The following NMU variants were observed in gnomAD, a reference collection of about 807,000 sequenced individuals.
The protein encoded by NMU is neuromedin-U.
In NMU, 29 loss-of-function variants were observed where a neutral mutation model predicts 35.4. The ratio of observed to expected loss-of-function variants is 0.82; its 90% CI spans 0.61 to 1.12. The LOEUF is 1.12. NMU is among the 50% of genes most tolerant of loss of function. The pLI is 0.00. For synonymous variants in NMU, 78 were observed against 81.3 expected, an observed-to-expected ratio of 0.96 and a Z score of 0.22; for missense variants, 199 against 206.2, an observed-to-expected ratio of 0.97 and a Z score of 0.21.
At chr4:55,636,348 G>T, upstream of NMU, 1 of 1,147,884 alleles carries the variant, frequency 8.7e-7, no homozygotes, top group Non-Finnish European at 1.1e-6. This position sits in a 1 kb window ranked among gnomAD's most constrained non-coding sequence, Gnocchi z 4.0. Context: ...AAGTGGGCTG[G>T]GCTGCGCGGT....
intron 3 of NMU, among the ~76,000 whole-genome samples, chr4:55,613,038 C>T (rs1225982827): frequency 6.6e-6 from 1 of 151,970 alleles, no homozygotes; most frequent in Admixed American, 6.6e-5. Context: ...TTACCCTAAG[C>T]GAAATAACAT....
intron 2 of NMU, among the ~76,000 whole-genome samples, chr4:55,619,446 G>T (rs1391004017): frequency 8.0e-6 from 1 of 125,086 alleles, no homozygotes. Context: ...CGAATATTGC[G>T]CTTTTCAGAC....
At chr4:55,618,455 A>C (rs368210069) in intron 2 of NMU, among the ~76,000 whole-genome samples, 58 of 151,930 alleles carry the variant, frequency 3.8e-4, no homozygotes, top group African/African-American at 1.4e-3. Flanking sequence ...CCCACTTACG[A>C]GTGAGAAATT....
intron 3 of NMU, among the ~76,000 whole-genome samples, chr4:55,612,377 G>A (rs1202081032): frequency 6.6e-6 from 1 of 152,174 alleles, no homozygotes; most frequent in Admixed American, 6.5e-5. Flanking sequence ...TCCAGCCTGG[G>A]CGACAGAGTG....
intron 6 of NMU, among the ~76,000 whole-genome samples, chr4:55,605,802 T>C (rs1000565370): frequency 6.6e-6 from 1 of 152,242 alleles, no homozygotes; most frequent in African/African-American, 2.4e-5. Context: ...ACCTCCTTTA[T>C]AAATTATATA....
At chr4:55,601,804 T>C (rs182068451) in intron 7 of NMU, among the ~76,000 whole-genome samples, 125 of 151,806 alleles carry the variant, frequency 8.2e-4, no homozygotes, top group Non-Finnish European at 3.5e-4. Context: ...CTGGGCAACA[T>C]AGAGAGACCT....
intron 9 of NMU, 103 bp downstream of exon 9, chr4:55,599,034 ATAGTT>A: frequency 1.4e-6 from 1 of 724,254 alleles, no homozygotes; most frequent in East Asian, 2.8e-5. Context: ...TACATTTAAC[ATAGTT>A]TAATTTGTGA....
chr4:55,609,809 C>T (rs768338391), intron 3 of NMU, among the ~76,000 whole-genome samples: 2 of 152,134 alleles, frequency 1.3e-5, no homozygotes, highest in Non-Finnish European at 2.9e-5. Context: ...AAGAAATGGA[C>T]AAGCAGGGGC....
At chr4:55,603,955 G>T (rs1410191024) in intron 7 of NMU, among the ~76,000 whole-genome samples, 3 of 111,536 alleles carry the variant, frequency 2.7e-5, no homozygotes, top group Non-Finnish European at 5.7e-5. Context: ...ATGTATATAT[G>T]TGTATATATA....
Position 55,636,276 on chromosome 4 carries a change from C to T in NMU, c.-84G>A. On this transcript the variant is annotated 5_prime_UTR_variant, in exon 1 of 10. Coordinates refer to ENST00000264218, the MANE Select transcript of NMU (RefSeq NM_006681.4). This position sits in a 1 kb window ranked among gnomAD's most constrained non-coding sequence, Gnocchi z 4.0. ...TGCTCCACCTGGTGCCCTGGCTGTG[C>T]CTCGGGGCCCGGACACAGGACTGAG... 1 of 1,399,492 alleles carries T rather than the reference C, an allele frequency of 7.1e-7. No individual in the cohort carries two copies. Among genetic ancestry groups the T allele is most frequent in the South Asian group, 1.6e-5 (1 of 63,726 alleles). 86.7% of individuals were successfully genotyped at this position (1,399,492 alleles called of 1,614,324 possible).
intron 2 of NMU, among the ~76,000 whole-genome samples, chr4:55,625,443 C>T (rs1734488104): frequency 6.6e-6 from 1 of 152,056 alleles, no homozygotes; most frequent in Non-Finnish European, 1.5e-5. Context: ...CTAGCATGTA[C>T]CTAGATATTC....
At chr4:55,595,563 T>TATATATATATATATATATATATACAC in intron 9 of NMU, among the ~76,000 whole-genome samples, 152 bp from the exon 10 acceptor site, 1 of 120,052 alleles carries the variant, frequency 8.3e-6, no homozygotes, top group East Asian at 2.9e-4. Flanking sequence ...TATATATATA[T>TATATATATATATATATATATATACAC]ACACACACAC....
intron 3 of NMU, among the ~76,000 whole-genome samples, chr4:55,613,487 T>G (rs1734011037): frequency 6.6e-6 from 1 of 152,192 alleles, no homozygotes; most frequent in African/African-American, 2.4e-5. Flanking sequence ...TATCACTAGT[T>G]TTCAGTTGTG....
chr4:55,606,466 TAAG>T (rs1454912442), intron 6 of NMU, among the ~76,000 whole-genome samples: 2 of 152,232 alleles, frequency 1.3e-5, no homozygotes, highest in Non-Finnish European at 2.9e-5. Flanking sequence ...TAATTACTAA[TAAG>T]AAGATCTTAC....
chr4:55,634,768 GT>G (rs1357858590), intron 1 of NMU, among the ~76,000 whole-genome samples: 1 of 152,152 alleles, frequency 6.6e-6, no homozygotes, highest in African/African-American at 2.4e-5. Context: ...GGAAAGTCAT[GT>G]TGTATCACTA....
At chr4:55,614,340 T>G (rs921254852) in intron 3 of NMU, among the ~76,000 whole-genome samples, 1 of 152,090 alleles carries the variant, frequency 6.6e-6, no homozygotes. Context: ...GTTTTTAAAC[T>G]AATGAATGGG....
intron 9 of NMU, among the ~76,000 whole-genome samples, chr4:55,597,916 T>C (rs1284330808): frequency 6.6e-6 from 1 of 151,350 alleles, no homozygotes; most frequent in Non-Finnish European, 1.5e-5. Context: ...TCCTTTTTCT[T>C]GATTACACTA....
chr4:55,636,299 G>A (rs920375896), upstream of NMU: 83 of 1,353,792 alleles, frequency 6.1e-5, no homozygotes, highest in Non-Finnish European at 7.4e-5. This position sits in a 1 kb window ranked among gnomAD's most constrained non-coding sequence, Gnocchi z 4.0. Flanking sequence ...ACACAGGACT[G>A]AGCGCCCGGC....
At chr4:55,608,801 A>G (rs543557368) in intron 4 of NMU, among the ~76,000 whole-genome samples, 19 of 152,218 alleles carry the variant, frequency 1.2e-4, no homozygotes, top group Non-Finnish European at 2.5e-4. Context: ...AGAAAGATGC[A>G]TCTGTTCTCC....
Sources: gnomAD v4.1 joint callset for allele counts (sites outside exome capture counted in the v4.1 genomes callset) on GRCh38, gnomAD v4.1.1 for gene constraint, Gnocchi (gnomAD v3.1) non-coding constraint, MANE v1.5 for transcripts, NCBI Gene and HGNC (gene_info 2026-07-23, HGNC 2026-07-21) for gene names.